FANCI: variants seen among roughly 807,000 people sequenced by gnomAD.
FANCI encodes the protein FA complementation group I, also known as Fanconi anemia group I protein.
FANCI carries 156 observed loss-of-function variants against 176.1 expected under a neutral mutation model. That is an observed-to-expected ratio of 0.89 (90% CI 0.78 to 1.01). FANCI has a LOEUF of 1.01. Ranked by LOEUF, FANCI falls within the 50% of genes least tolerant of loss-of-function variation. The probability of loss-of-function intolerance (pLI) is 0.00; values close to 1 mark genes in which losing one functional copy is unlikely to be tolerated. For missense variants in FANCI, 1,678 were observed against 1,534.1 expected, an observed-to-expected ratio of 1.09 and a Z score of -1.57; for synonymous variants, 613 against 541.7, an observed-to-expected ratio of 1.13 and a Z score of -1.83.
At chr15:89,309,559 G>A (rs753137522) in intron 34 of FANCI, among the ~76,000 whole-genome samples, 6 of 152,124 alleles carry the variant, frequency 3.9e-5, no homozygotes, top group East Asian at 3.9e-4. Context: ...GTGAGACCCC[G>A]TCTCTACAAA....
At chr15:89,310,729 C>CGG (rs1247508281) in intron 34 of FANCI, among the ~76,000 whole-genome samples, 4 of 152,224 alleles carry the variant, frequency 2.6e-5, no homozygotes, top group African/African-American at 7.2e-5. Context: ...CTTGTAGCCC[C>CGG]CTCTTCATTT....
Position 89,286,525 on chromosome 15 carries a change from A to G in FANCI, c.1821+1307A>G, listed in dbSNP as rs79573576. Among the ~76,000 whole-genome samples the G allele has an allele frequency of 5.9e-5, 9 of 152,310 alleles. No individual in the cohort carries two copies. The East Asian group carries it at 1.5e-3, about 26-fold the overall frequency. Reference sequence around the variant, plus strand: ...GAGCTCTTAGATGCCTAGGTGCACTATCAATGAGCAGTAATATTTTGAGAA... The same window carrying G: ...GAGCTCTTAGATGCCTAGGTGCACTGTCAATGAGCAGTAATATTTTGAGAA... On this transcript the variant is annotated intron_variant, in intron 18 of 37. Transcript: ENST00000310775.
chr15:89,280,021 TTTTG>T (rs1398581239), intron 14 of FANCI, among the ~76,000 whole-genome samples: 5 of 152,092 alleles, frequency 3.3e-5, no homozygotes, highest in African/African-American at 7.2e-5. Context: ...TGTCAGCTCT[TTTTG>T]TTTGTTTGTT....
At chr15:89,296,174 A>G (rs1287414273) in intron 24 of FANCI, among the ~76,000 whole-genome samples, 4 of 152,022 alleles carry the variant, frequency 2.6e-5, no homozygotes, top group Non-Finnish European at 5.9e-5. Context: ...CATGTTGGCC[A>G]GGCTGGTCTC....
intron 28 of FANCI, among the ~76,000 whole-genome samples, chr15:89,304,200 C>A (rs981181913): frequency 2.0e-5 from 3 of 152,140 alleles, no homozygotes; most frequent in African/African-American, 7.2e-5. Context: ...CGAATCACAA[C>A]AGAAAAATGT....
At chr15:89,246,363 C>A (rs961059318) in intron 1 of FANCI, among the ~76,000 whole-genome samples, 6 of 152,204 alleles carry the variant, frequency 3.9e-5, no homozygotes, top group African/African-American at 1.2e-4. Context: ...CACAAAGATG[C>A]TAGGTTCTGT....
At chr15:89,308,936 A>T (rs2054839372) in intron 34 of FANCI, among the ~76,000 whole-genome samples, 1 of 141,206 alleles carries the variant, frequency 7.1e-6, no homozygotes, top group African/African-American at 2.6e-5. Context: ...CAAGAGCGAA[A>T]CTCCGTCTCA....
At chr15:89,259,803 A>G (rs1032951859) in intron 3 of FANCI, among the ~76,000 whole-genome samples, 2 of 152,332 alleles carry the variant, frequency 1.3e-5, no homozygotes, top group East Asian at 1.9e-4. Context: ...AGGTTCCTCT[A>G]TGTTGTAATA....
chr15:89,278,809 G>T (rs748142010), intron 14 of FANCI, 35 bp downstream of exon 14: 1 of 1,549,054 alleles, frequency 6.5e-7, no homozygotes, highest in South Asian at 1.1e-5. Flanking sequence ...AAAGTTTTTA[G>T]AAATATTTTC....
At chr15:89,305,770 A>T in intron 31 of FANCI, 72 bp downstream of exon 31, 1 of 1,469,418 alleles carries the variant, frequency 6.8e-7, no homozygotes, top group Non-Finnish European at 9.5e-7. Flanking sequence ...GTCGGTGCAT[A>T]AAAATGGAGC....
At chr15:89,295,558 C>T (rs539481906) in intron 24 of FANCI, among the ~76,000 whole-genome samples, 5 of 151,944 alleles carry the variant, frequency 3.3e-5, no homozygotes, top group Admixed American at 2.6e-4. Context: ...ACCAGCTACT[C>T]GGGAGGCTGA....
intron 27 of FANCI, among the ~76,000 whole-genome samples, chr15:89,303,545 G>T (rs898583371): frequency 6.6e-6 from 1 of 152,170 alleles, no homozygotes; most frequent in East Asian, 1.9e-4. Flanking sequence ...GAGTCTGGGG[G>T]CATGGGAAAG....
chr15:89,291,800 ACT>A (rs1244662727), intron 20 of FANCI, 86 bp downstream of exon 20: 58 of 1,025,184 alleles, frequency 5.7e-5, no homozygotes, highest in South Asian at 4.1e-4. Flanking sequence ...TCCCTGTGAA[ACT>A]CTCTTCCTGG....
intron 30 of FANCI, 69 bp downstream of exon 30, chr15:89,305,478 C>T: frequency 2.5e-6 from 4 of 1,610,344 alleles, no homozygotes; most frequent in Non-Finnish European, 3.4e-6. Context: ...TGTGAAGTGA[C>T]TTGTGTCCTA....
chr15:89,262,304 A>G (rs917422068), intron 6 of FANCI, among the ~76,000 whole-genome samples: 2 of 151,864 alleles, frequency 1.3e-5, no homozygotes, highest in African/African-American at 4.8e-5. Context: ...TTTAACCAGT[A>G]ATTGTATTTC....
chr15:89,283,326 T>C, intron 17 of FANCI, 76 bp downstream of exon 17: 2 of 1,599,530 alleles, frequency 1.3e-6, no homozygotes, highest in Non-Finnish European at 1.7e-6. Context: ...CTGTTTTCTT[T>C]TATTCCTGTT....
chr15:89,252,282 C>G (rs2052288335), intron 2 of FANCI, among the ~76,000 whole-genome samples: 1 of 142,220 alleles, frequency 7.0e-6, no homozygotes, highest in Non-Finnish European at 1.5e-5. Flanking sequence ...CCTGGGTAAA[C>G]AAAGTGAGAT....
chr15:89,308,904 C>G (rs2054837793), intron 34 of FANCI, among the ~76,000 whole-genome samples: 1 of 150,894 alleles, frequency 6.6e-6, no homozygotes, highest in Admixed American at 6.6e-5. Flanking sequence ...AAAGATCGCA[C>G]TGTTGTGCTC....
chr15:89,303,153 T>A (rs2054587620), intron 27 of FANCI, among the ~76,000 whole-genome samples: 2 of 152,254 alleles, frequency 1.3e-5, no homozygotes, highest in African/African-American at 2.4e-5. Context: ...ATTCTGAAGA[T>A]CTTTTAATAT....
Sources: gnomAD v4.1 joint callset for allele counts (sites outside exome capture counted in the v4.1 genomes callset) on GRCh38, gnomAD v4.1.1 for gene constraint, MANE v1.5 for transcripts, NCBI Gene and HGNC (gene_info 2026-07-23, HGNC 2026-07-21) for gene names.